The following RAB38 variants were observed in gnomAD, a reference collection of about 807,000 sequenced individuals.
RAB38 encodes the protein RAB38, member RAS oncogene family.
A neutral mutation model predicts 18.4 loss-of-function variants in RAB38; 15 were observed. That is an observed-to-expected ratio of 0.82 (90% confidence interval 0.55 to 1.26). RAB38 has a LOEUF of 1.26. RAB38 is among the 50% of genes most tolerant of loss of function. The probability of loss-of-function intolerance (pLI) is 0.00; values close to 1 mark genes in which losing one functional copy is unlikely to be tolerated. For synonymous variants in RAB38, 101 were observed against 104.4 expected, an observed-to-expected ratio of 0.97 and a Z score of 0.20; for missense variants, 294 against 267.4, an observed-to-expected ratio of 1.10 and a Z score of -0.69.
the RAB38 span, among the ~76,000 whole-genome samples, chr11:87,873,546 T>C: frequency 9.8e-4 from 149 of 151,618 alleles, no homozygotes; most frequent in African/African-American, 3.5e-3. Context: ...CAAAGTCATC[T>C]AGATTTTCTC....
At chr11:88,054,286 C>A in the RAB38 span, among the ~76,000 whole-genome samples, 12 of 152,260 alleles carry the variant, frequency 7.9e-5, no homozygotes, top group South Asian at 2.5e-3. Flanking sequence ...CTAGGATGAA[C>A]CAGGTCTCCT....
At chr11:88,165,083 T>C (rs1278311607) in intron 1 of RAB38, among the ~76,000 whole-genome samples, 1 of 151,972 alleles carries the variant, frequency 6.6e-6, no homozygotes, top group African/African-American at 2.4e-5. Flanking sequence ...ATTAGGTCTA[T>C]CCAAAAGTAT....
chr11:87,855,327 T>C, the RAB38 span, among the ~76,000 whole-genome samples: 4 of 152,270 alleles, frequency 2.6e-5, no homozygotes, highest in East Asian at 1.9e-4. Context: ...GGAAAAAACA[T>C]AGTTTCCATG....
At chr11:88,093,184 G>A in the RAB38 span, among the ~76,000 whole-genome samples, 8 of 151,888 alleles carry the variant, frequency 5.3e-5, no homozygotes, top group Admixed American at 3.3e-4. Context: ...TATGGCCAGA[G>A]TTTTCACACT....
chr11:88,172,878 G>A (rs1375164801), intron 1 of RAB38, among the ~76,000 whole-genome samples: 1 of 152,192 alleles, frequency 6.6e-6, no homozygotes, highest in African/African-American at 2.4e-5. Flanking sequence ...AGGGCCTTTG[G>A]GCTTAAGGCT....
At chr11:88,050,791 T>C in the RAB38 span, among the ~76,000 whole-genome samples, 1 of 152,200 alleles carries the variant, frequency 6.6e-6, no homozygotes, top group East Asian at 1.9e-4. Flanking sequence ...AAAACCTGGA[T>C]AGAATGCATA....
chr11:88,006,654 G>A, the RAB38 span, among the ~76,000 whole-genome samples: 4 of 138,752 alleles, frequency 2.9e-5, no homozygotes, highest in African/African-American at 1.1e-4. Flanking sequence ...TAGACACACA[G>A]TGGAATACTA....
At chr11:88,051,388 G>A in the RAB38 span, among the ~76,000 whole-genome samples, 1 of 151,500 alleles carries the variant, frequency 6.6e-6, no homozygotes, top group Non-Finnish European at 1.5e-5. Context: ...TGACAACTGA[G>A]TGGTGACATA....
the RAB38 span, chr11:88,050,303 A>G: frequency 6.6e-6 from 1 of 152,180 alleles, no homozygotes; most frequent in African/African-American, 2.4e-5. Flanking sequence ...GGAAGAGGAA[A>G]TCCATATAGG....
At chr11:87,877,970 G>A in the RAB38 span, among the ~76,000 whole-genome samples, 5 of 151,090 alleles carry the variant, frequency 3.3e-5, no homozygotes, top group Non-Finnish European at 7.4e-5. Context: ...CACTAAGCGT[G>A]CCTGACTTAT....
chr11:88,104,040 G>A, the RAB38 span, among the ~76,000 whole-genome samples: 2 of 152,102 alleles, frequency 1.3e-5, no homozygotes, highest in Non-Finnish European at 2.9e-5. Flanking sequence ...CCTGGCATGA[G>A]GCACCTAACT....
chr11:87,830,727 ATATAT>A, the RAB38 span, among the ~76,000 whole-genome samples: 2 of 152,144 alleles, frequency 1.3e-5, no homozygotes, highest in East Asian at 1.9e-4. Flanking sequence ...CTAATATCAA[ATATAT>A]TAGATATTAC....
chr11:87,923,545 TTC>T, the RAB38 span, among the ~76,000 whole-genome samples: 1 of 126,242 alleles, frequency 7.9e-6, no homozygotes, highest in Admixed American at 8.2e-5. Context: ...AGTCAATTAA[TTC>T]TGTGTGTGTG....
At chr11:88,016,610 A>G in the RAB38 span, among the ~76,000 whole-genome samples, 1 of 152,060 alleles carries the variant, frequency 6.6e-6, no homozygotes, top group African/African-American at 2.4e-5. Context: ...AGATGCCACA[A>G]GGGGGAGCAC....
chr11:88,025,314 C>A, the RAB38 span, among the ~76,000 whole-genome samples: 3,420 of 152,016 alleles, frequency 0.022, 120 homozygotes, highest in African/African-American at 0.078. Flanking sequence ...CATGTCTTTG[C>A]TACTGTGAAT....
chr11:88,054,016 A>G, the RAB38 span, among the ~76,000 whole-genome samples: 4 of 152,178 alleles, frequency 2.6e-5, no homozygotes, highest in South Asian at 4.2e-4. Flanking sequence ...GAACTTGCCA[A>G]GTCATTAAAC....
intron 2 of RAB38, among the ~76,000 whole-genome samples, chr11:88,122,564 T>A (rs993303686): frequency 1.6e-4 from 25 of 152,210 alleles, no homozygotes; most frequent in African/African-American, 5.8e-4. Flanking sequence ...TATTGAACAC[T>A]TAGGCACCAT....
intron 2 of RAB38, among the ~76,000 whole-genome samples, chr11:88,144,716 T>G (rs746400719): frequency 7.2e-5 from 11 of 152,042 alleles, no homozygotes; most frequent in Non-Finnish European, 1.2e-4. Context: ...GGAGAGAGGG[T>G]GGGTCCAAAA....
At chr11:87,861,883 TA>T in the RAB38 span, among the ~76,000 whole-genome samples, 1 of 151,624 alleles carries the variant, frequency 6.6e-6, no homozygotes, top group African/African-American at 2.4e-5. Context: ...TATATGGTTA[TA>T]TTCCCAGGAC....
Sources: gnomAD v4.1 joint callset for allele counts (sites outside exome capture counted in the v4.1 genomes callset) on GRCh38, gnomAD v4.1.1 for gene constraint, MANE v1.5 for transcripts, NCBI Gene and HGNC (gene_info 2026-07-23, HGNC 2026-07-21) for gene names.